SERPINB12: variants seen among roughly 807,000 people sequenced by gnomAD.
The protein encoded by SERPINB12 is serpin B12.
Under a neutral mutation model 41.1 loss-of-function variants are expected in SERPINB12, and 57 were observed. That is an observed-to-expected ratio of 1.39 (90% CI 1.12 to 1.73). The LOEUF (loss-of-function observed/expected upper bound fraction) is 1.73. SERPINB12 is among the 40% of genes most tolerant of loss of function. SERPINB12 has a pLI of 0.00. For missense variants in SERPINB12, 536 were observed against 501.9 expected (o/e 1.07, Z -0.65); for synonymous variants, 180 against 181.3 (o/e 0.99, Z 0.06).
At chr18:63,534,140 G>C in the SERPINB12 span, among the ~76,000 whole-genome samples, 7 of 152,166 alleles carry the variant, frequency 4.6e-5, no homozygotes, top group African/African-American at 1.4e-4. Context: ...CAACTCACAG[G>C]CCTTGTTGAA....
chr18:63,558,616 A>C, intron 3 of SERPINB12, 130 bp downstream of exon 3: 4 of 1,011,452 alleles, frequency 4.0e-6, no homozygotes, highest in Non-Finnish European at 5.6e-6. Flanking sequence ...CAATAACCTC[A>C]TGTGATCTGT....
Position 63,547,782 on chromosome 18 carries a change from A to G in SERPINB12, c.-19+5290A>G, listed in dbSNP as rs972351593. Among the ~76,000 whole-genome samples the G allele has an allele frequency of 3.9e-5, 6 of 152,260 alleles. 1 individual carries two copies. The highest frequency in any genetic ancestry group is 1.4e-4 in the African/African-American group (6 of 41,566). ...ACTTTTTCTTATATAGTAAAAAATTAATAAAAAGCTGATTCTCTTATGCAG... is the reference window on the plus strand; with the variant it reads ...ACTTTTTCTTATATAGTAAAAAATTGATAAAAAGCTGATTCTCTTATGCAG... On this transcript the variant is annotated intron_variant, in intron 1 of 7. Coordinates refer to ENST00000382768, the MANE Select transcript of SERPINB12 (RefSeq NM_001307928.2).
the SERPINB12 span, among the ~76,000 whole-genome samples, chr18:63,537,029 A>T: frequency 2.0e-5 from 3 of 152,174 alleles, no homozygotes; most frequent in African/African-American, 7.2e-5. Flanking sequence ...ACCTAGAAGA[A>T]ACTGAAGATG....
chr18:63,567,134 C>A lies in SERPINB12; in HGVS notation c.*123C>A. 1.1e-6 allele frequency: 1 copy of A among 930,586 alleles called. No individual in the cohort carries two copies. Among genetic ancestry groups the A allele is most frequent in the Non-Finnish European group, 1.6e-6 (1 of 634,310 alleles). The allele number at this position is 930,586 out of a possible 1,614,324, so 57.6% of individuals were successfully genotyped here. On this transcript the variant is annotated 3_prime_UTR_variant, in exon 8 of 8. Transcript: ENST00000382768. ...AGCATCTCCTTCATCCTCCAGCCAT[C>A]GGCTTGTGCTTATCTTGATCTTTCT... is the stretch of plus-strand genomic sequence containing the variant.
intron 3 of SERPINB12, among the ~76,000 whole-genome samples, chr18:63,558,968 G>A (rs908382641): frequency 7.3e-6 from 1 of 136,704 alleles, no homozygotes; most frequent in African/African-American, 2.7e-5. Flanking sequence ...TTTAAGAGGA[G>A]GGTGGATAGA....
intron 1 of SERPINB12, among the ~76,000 whole-genome samples, chr18:63,550,997 C>T (rs533180800): frequency 3.3e-4 from 50 of 152,138 alleles, no homozygotes; most frequent in Non-Finnish European, 5.3e-4. Context: ...CGGCCGGGCG[C>T]GGTGGTTCAC....
rs1415382061 is a variant in SERPINB12 at position 63,568,080 on chromosome 18, C to T, written c.*1069C>T. 6.6e-6 allele frequency among the ~76,000 whole-genome samples: 1 copy of T among 152,212 alleles called. No individual in the cohort carries two copies. The highest frequency in any genetic ancestry group is 1.9e-4 in the East Asian group (1 of 5,188). ...ACAGGCTTGAGCCTGGGCATGGTGTCCATAGCAATGCTTGTTGGCTGGGCA... is the reference window on the plus strand; with the variant it reads ...ACAGGCTTGAGCCTGGGCATGGTGTTCATAGCAATGCTTGTTGGCTGGGCA... On this transcript the variant is annotated 3_prime_UTR_variant, in exon 8 of 8. Transcript: ENST00000382768.
chr18:63,562,007 A>G (rs1284022396), intron 5 of SERPINB12, among the ~76,000 whole-genome samples: 1 of 152,182 alleles, frequency 6.6e-6, no homozygotes, highest in Non-Finnish European at 1.5e-5. Flanking sequence ...TCTAAAATAA[A>G]AGCTGAAATT....
At chr18:63,528,381 A>C in the SERPINB12 span, among the ~76,000 whole-genome samples, 1 of 137,342 alleles carries the variant, frequency 7.3e-6, no homozygotes, top group Non-Finnish European at 1.6e-5. Flanking sequence ...TCATTTCTTA[A>C]TCTCTGAGAG....
chr18:63,531,004 C>A, the SERPINB12 span, among the ~76,000 whole-genome samples: 1 of 151,786 alleles, frequency 6.6e-6, no homozygotes, highest in Non-Finnish European at 1.5e-5. Flanking sequence ...CTGCATGGCT[C>A]GAAAAAAACA....
intron 2 of SERPINB12, 110 bp downstream of exon 2, chr18:63,556,437 G>A (rs981604881): frequency 1.1e-4 from 96 of 873,064 alleles, no homozygotes; most frequent in Non-Finnish European, 1.2e-4. Flanking sequence ...CCCTGGGCTT[G>A]GTCAGAACCC....
rs774231921 is a variant in SERPINB12, at chr18:63,542,417, C to T, written c.-94C>T. On this transcript the variant is annotated 5_prime_UTR_variant, in exon 1 of 8. Transcript: ENST00000382768. ...GGCTGTAGGACTTGCCTGGTTCCTC[C>T]TCTGCTAGATTGATTTTTGAATTGA... Among the ~76,000 whole-genome samples the T allele has an allele frequency of 4.6e-5, 7 of 152,196 alleles. No individual in the cohort carries two copies. Among genetic ancestry groups the T allele is most frequent in the Non-Finnish European group, 7.3e-5 (5 of 68,030 alleles).
At chr18:63,562,528 T>C (rs1475796920) in intron 5 of SERPINB12, among the ~76,000 whole-genome samples, 3 of 152,186 alleles carry the variant, frequency 2.0e-5, no homozygotes, top group Non-Finnish European at 4.4e-5. Context: ...TCCCTTCCAT[T>C]TGGTGGCTTT....
intron 5 of SERPINB12, 42 bp from the exon 6 acceptor site, chr18:63,563,936 A>T: frequency 5.2e-6 from 8 of 1,529,564 alleles, no homozygotes; most frequent in East Asian, 4.6e-5. Context: ...AATGCTTTTG[A>T]TACAATTCAT....
Position 63,568,505 on chromosome 18 carries a change from C to T in SERPINB12, c.*1494C>T, listed in dbSNP as rs892857155. On this transcript the variant is annotated 3_prime_UTR_variant, in exon 8 of 8. Coordinates refer to ENST00000382768, the MANE Select transcript of SERPINB12 (RefSeq NM_001307928.2). Reference sequence around the variant, plus strand: ...CCTGACCTCTGAGTGTTCCTACTCGCGGACTCAGGGCCTCTGTTCTCTGGT... The same window carrying T: ...CCTGACCTCTGAGTGTTCCTACTCGTGGACTCAGGGCCTCTGTTCTCTGGT... Among the ~76,000 whole-genome samples, 9 of 152,334 alleles carry T rather than the reference C, an allele frequency of 5.9e-5. No individual in the cohort carries two copies. The highest frequency in any genetic ancestry group is 2.1e-4 in the South Asian group (1 of 4,822).
chr18:63,521,910 G>C, the SERPINB12 span, among the ~76,000 whole-genome samples: 1 of 152,170 alleles, frequency 6.6e-6, no homozygotes, highest in Non-Finnish European at 1.5e-5. Flanking sequence ...CTAGATATTG[G>C]AGGAAAGTAA....
intron 1 of SERPINB12, among the ~76,000 whole-genome samples, chr18:63,550,350 T>G (rs1196558632): frequency 6.6e-6 from 1 of 152,154 alleles, no homozygotes; most frequent in African/African-American, 2.4e-5. Context: ...TGGGGAGCAT[T>G]CCCTAAATGC....
At chr18:63,551,011 T>C (rs1295132266) in intron 1 of SERPINB12, among the ~76,000 whole-genome samples, 2 of 152,102 alleles carry the variant, frequency 1.3e-5, no homozygotes, top group African/African-American at 2.4e-5. Flanking sequence ...GGTTCACGCC[T>C]GTAATCCCAG....
At chr18:63,559,553 C>T in intron 3 of SERPINB12, 25 bp from the exon 4 acceptor site, 4 of 1,612,724 alleles carry the variant, frequency 2.5e-6, no homozygotes, top group Non-Finnish European at 3.4e-6. Flanking sequence ...CAGTGAAGGT[C>T]ACATTTTGTT....
Sources: allele counts gnomAD v4.1 joint callset (sites outside exome capture counted in the v4.1 genomes callset), GRCh38; gene constraint gnomAD v4.1.1; transcripts MANE v1.5; gene names NCBI Gene and HGNC (gene_info 2026-07-23, HGNC 2026-07-21).